NCOR2: variants seen among roughly 807,000 people sequenced by gnomAD.
The protein encoded by NCOR2 is CTG repeat protein 26.
In NCOR2, 81 loss-of-function variants were observed where a neutral mutation model predicts 262.9. That is an observed-to-expected ratio of 0.31 (90% CI 0.26 to 0.37). The LOEUF (loss-of-function observed/expected upper bound fraction) is 0.37, where lower values mean the gene tolerates loss of function less well. NCOR2 is among the 10% of genes least tolerant of loss of function. The pLI is 1.00. For synonymous variants in NCOR2, 1,659 were observed against 1,559.3 expected, an observed-to-expected ratio of 1.06 and a Z score of -1.51; for missense variants, 3,385 against 3,621.4, an observed-to-expected ratio of 0.93 and a Z score of 1.68.
intron 16 of NCOR2, among the ~76,000 whole-genome samples, 163 bp downstream of exon 18, chr12:124,397,956 C>G (rs1178292612): frequency 2.6e-5 from 4 of 152,220 alleles, no homozygotes; most frequent in Non-Finnish European, 1.5e-5. Context: ...AACTGAGGCT[C>G]CAGGGTGACA....
chr12:124,326,393 G>T lies in NCOR2; in HGVS notation c.7184-23C>A, dbSNP rs772556881. The T allele has an allele frequency of 8.8e-6, 13 of 1,478,238 alleles. No individual in the cohort carries two copies. In the South Asian group the frequency reaches 1.2e-4, roughly 14 times the overall value. The allele number at this position is 1,478,238 out of a possible 1,614,324, so 91.6% of individuals were successfully genotyped here. On this transcript the variant is annotated intron_variant, in intron 45 of 46. Transcript: ENST00000405201. ...CACCTGCAGGGGGACAAGATGGGAA[G>T]GGGCTGCGTTGGGCAGTGAAGACAG...
chr12:124,346,097 G>A (rs899593116), intron 31 of NCOR2, among the ~76,000 whole-genome samples: 6 of 152,140 alleles, frequency 3.9e-5, no homozygotes, highest in African/African-American at 1.4e-4. Flanking sequence ...CATTTGCTGC[G>A]TGACTCTGGG....
intron 7 of NCOR2, among the ~76,000 whole-genome samples, chr12:124,439,986 C>T (rs1406985398): frequency 6.6e-6 from 1 of 152,010 alleles, no homozygotes; most frequent in Non-Finnish European, 1.5e-5. Context: ...GCACCGAGAC[C>T]CCAGGACCGT....
Position 124,447,355 on chromosome 12 carries a change from C to CATATAA in NCOR2, c.815+2459_815+2460insTTATAT, listed in dbSNP as rs542909903. 5.9e-5 allele frequency among the ~76,000 whole-genome samples: 9 copies of CATATAA among 152,356 alleles called. No individual in the cohort carries two copies. In the South Asian group the frequency reaches 1.9e-3, roughly 32 times the overall value. The stretch of plus-strand genomic sequence containing the variant: ...GAGGAAGATTATGAGATGTCAAATA[C>CATATAA]AGCACTGGCTTTAATATGCTTACAG... On this transcript the variant is annotated intron_variant, in intron 7 of 46. Transcript: ENST00000405201.
chr12:124,481,936 C>T lies in NCOR2; in HGVS notation c.411+1660G>A, dbSNP rs1231435359. 1.3e-5 allele frequency among the ~76,000 whole-genome samples: 2 copies of T among 152,018 alleles called. No individual in the cohort carries two copies. The highest frequency in any genetic ancestry group is 2.9e-5 in the Non-Finnish European group (2 of 67,974). On this transcript the variant is annotated intron_variant, in intron 3 of 46. Transcript: ENST00000405201. The surrounding 1 kb of genome is among the most constrained non-coding windows in gnomAD (Gnocchi z 4.6). Reference sequence around the variant, plus strand: ...CTGGAGAGCAATGACGAGCTCAGGCCGGGGGTTGCCTCAGGTGTGGGCAGA... The same window carrying T: ...CTGGAGAGCAATGACGAGCTCAGGCTGGGGGTTGCCTCAGGTGTGGGCAGA...
At chr12:124,377,283 T>A (rs1348857709) in intron 18 of NCOR2, among the ~76,000 whole-genome samples, 1 of 152,158 alleles carries the variant, frequency 6.6e-6, no homozygotes, top group Non-Finnish European at 1.5e-5. Flanking sequence ...GTGGGGCATT[T>A]GTCTAGTCTA....
At chr12:124,335,616 G>T in exon 39 of NCOR2, 1 of 1,603,468 alleles carries the variant, frequency 6.2e-7, no homozygotes. Context: ...CGGGGCTGTA[G>T]CTGCTGCCGT....
rs563334449 is a variant in NCOR2, at chr12:124,325,384, C to G, written c.*18G>C. On this transcript the variant is annotated 3_prime_UTR_variant, in exon 47 of 47. Coordinates refer to ENST00000405201, the Ensembl canonical transcript of NCOR2. ...TCGCTGGGACCTGACACCGCCCCCC[C>G]CCCCGCCCTGTTCTGAGTCACTCGC... 118 of 486,686 alleles carry G rather than the reference C, an allele frequency of 2.4e-4. 9 individuals are homozygous for G. Among genetic ancestry groups the G allele is most frequent in the African/African-American group, 1.8e-3 (79 of 42,824 alleles). The allele number at this position is 486,686 out of a possible 1,614,324, so 30.1% of individuals were successfully genotyped here. A position where few individuals can be genotyped will look rare whatever the true frequency, so the allele number is the denominator to read the frequency against.
At chr12:124,538,268 A>T (rs190198539), upstream of NCOR2, 3 of 152,612 alleles carry the variant, frequency 2.0e-5, no homozygotes, top group East Asian at 5.8e-4. Flanking sequence ...AGAGGGAAAC[A>T]GAGAATCTCC....
At chr12:124,398,324 C>A in intron 15 of NCOR2, 143 bp from the exon 18 acceptor site, 1 of 831,940 alleles carries the variant, frequency 1.2e-6, no homozygotes, top group South Asian at 1.5e-5. Context: ...GTGGGAAGGC[C>A]ACATTTCAGA....
intron 2 of NCOR2, 195 bp downstream of exon 4, chr12:124,486,246 G>A (rs1203610388): frequency 1.4e-6 from 1 of 728,902 alleles, no homozygotes; most frequent in Admixed American, 3.7e-5. Context: ...GAAGTCTGAG[G>A]GCCACGTGGC....
chr12:124,434,441 C>G (rs543270461), intron 8 of NCOR2, among the ~76,000 whole-genome samples: 5 of 152,202 alleles, frequency 3.3e-5, no homozygotes, highest in Admixed American at 1.3e-4. Flanking sequence ...CTTGGAAGTC[C>G]TTGGTTTCTG....
At chr12:124,417,979 C>T (rs1341546655) in intron 13 of NCOR2, among the ~76,000 whole-genome samples, 1 of 151,534 alleles carries the variant, frequency 6.6e-6, no homozygotes, top group East Asian at 2.0e-4. Context: ...GAGAATCACT[C>T]TAACCCAGGA....
At chr12:124,333,553 TTTA>T (rs1225634975) in intron 41 of NCOR2, among the ~76,000 whole-genome samples, 1 of 151,894 alleles carries the variant, frequency 6.6e-6, no homozygotes, top group Non-Finnish European at 1.5e-5. Flanking sequence ...TGGGCCACAG[TTTA>T]TTGACCCCTG....
chr12:124,361,027 C>T (rs2038538253), intron 22 of NCOR2, among the ~76,000 whole-genome samples: 1 of 151,768 alleles, frequency 6.6e-6, no homozygotes, highest in Non-Finnish European at 1.5e-5. Context: ...ATGTCCTGAC[C>T]CAGCAGCCTC....
intron 13 of NCOR2, among the ~76,000 whole-genome samples, chr12:124,416,815 T>TAGACCCCGCGGCACAGGG: frequency 9.1e-6 from 1 of 109,394 alleles, no homozygotes; most frequent in East Asian, 3.3e-4. Flanking sequence ...GCAGCACAGA[T>TAGACCCCGCGGCACAGGG]AGACCCCGCG....
rs1245805173 is a variant in NCOR2 at position 124,335,787 on chromosome 12, G to C, written c.6116-155C>G. 5 of 812,678 alleles carry C rather than the reference G, an allele frequency of 6.2e-6. No individual in the cohort carries two copies. In the African/African-American group the frequency reaches 6.9e-5, roughly 11 times the overall value. The allele number at this position is 812,678 out of a possible 1,614,324, so 50.3% of individuals were successfully genotyped here. A position where few individuals can be genotyped will look rare whatever the true frequency, so the allele number is the denominator to read the frequency against. The stretch of plus-strand genomic sequence containing the variant: ...GGGCTCCCAAAGACAGTAAGGCAGA[G>C]AGGGGTGTTGGGGAGAGACAGGGAG... On this transcript the variant is annotated intron_variant, in intron 38 of 46. Transcript: ENST00000405201.
rs759320754 is a variant in NCOR2 at position 124,336,997 on chromosome 12, G to A, written c.5871C>T (p.Leu1957=). The A allele has an allele frequency of 7.9e-6, 12 of 1,511,524 alleles. No homozygotes were observed. The South Asian group carries it at 9.4e-5, about 12-fold the overall frequency. 93.6% of individuals were successfully genotyped at this position (1,511,524 alleles called of 1,614,324 possible). A position where few individuals can be genotyped will look rare whatever the true frequency, so the allele number is the denominator to read the frequency against. The stretch of plus-strand genomic sequence containing the variant: ...GCCCGGAGCGGGCTGGGGGCTTGGC[G>A]AGGAAGGCATGGCCGGTGTCTGCTC... Residue 1957 remains leucine, a synonymous_variant, in exon 38 of 47, where the codon CTC becomes CTT. Transcript: ENST00000405201.
chr12:124,351,083 G>A (rs906396685), intron 27 of NCOR2, among the ~76,000 whole-genome samples: 1 of 152,138 alleles, frequency 6.6e-6, no homozygotes, highest in African/African-American at 2.4e-5. Context: ...CTTTACCCGG[G>A]GTCACCTGGC....
Sources: allele counts gnomAD v4.1 joint callset (sites outside exome capture counted in the v4.1 genomes callset), GRCh38; gene constraint gnomAD v4.1.1; non-coding constraint Gnocchi (gnomAD v3.1); transcripts MANE v1.5; gene names NCBI Gene and HGNC (gene_info 2026-07-23, HGNC 2026-07-21).